Variants in FUT9 observed in about 807,000 individuals in gnomAD.
FUT9 encodes 4-galactosyl-N-acetylglucosaminide 3-alpha-L-fucosyltransferase 9.
Under a neutral mutation model 29.7 loss-of-function variants are expected in FUT9, and 15 were observed. The observed-to-expected ratio is 0.51, with a 90% confidence interval of 0.34 to 0.78. The LOEUF (loss-of-function observed/expected upper bound fraction) is 0.78, where lower values mean the gene tolerates loss of function less well. FUT9 is among the 30% of genes least tolerant of loss of function. FUT9 has a pLI of 0.01. For missense variants in FUT9, 319 were observed against 425.4 expected, an observed-to-expected ratio of 0.75 and a Z score of 2.20; for synonymous variants, 169 against 153.7, an observed-to-expected ratio of 1.10 and a Z score of -0.74.
In FUT9 at chr6:96,193,946, C is replaced by T. The variant is rs537622523; in HGVS notation, c.-8-9202C>T. ...GAAACCATCATTCTCAGCGAACTAT[C>T]GCAAGGGCGAAAAACCAAACACTGC... On this transcript the variant is annotated intron_variant, in intron 2 of 2. Coordinates refer to ENST00000302103, the MANE Select transcript of FUT9 (RefSeq NM_006581.4). 7.2e-5 allele frequency among the ~76,000 whole-genome samples: 11 copies of T among 152,212 alleles called. No individual in the cohort carries two copies. The South Asian group carries it at 8.3e-4, about 11-fold the overall frequency.
chr6:96,195,134 C>T (rs1031220530), intron 2 of FUT9, among the ~76,000 whole-genome samples: 2 of 152,024 alleles, frequency 1.3e-5, no homozygotes, highest in South Asian at 2.1e-4. Flanking sequence ...ACAGGAAAAG[C>T]GGTAGTTGGC....
At chr6:96,049,971 A>T (rs184906833) in intron 1 of FUT9, among the ~76,000 whole-genome samples, 2 of 152,144 alleles carry the variant, frequency 1.3e-5, no homozygotes, top group Non-Finnish European at 2.9e-5. Context: ...AAAATTAGAA[A>T]ACTGAAAAAT....
intron 1 of FUT9, among the ~76,000 whole-genome samples, chr6:96,067,239 A>G (rs4269378): frequency 0.56 from 83,703 of 150,672 alleles, 23,387 homozygotes; most frequent in South Asian, 0.64. Context: ...GTATACGCAC[A>G]TACTCATGTT....
chr6:96,022,723 T>C (rs1198486548), intron 1 of FUT9, among the ~76,000 whole-genome samples: 1 of 151,898 alleles, frequency 6.6e-6, no homozygotes, highest in Non-Finnish European at 1.5e-5. Flanking sequence ...CCTTTTTACC[T>C]TTGTTCGTCA....
At chr6:96,109,691 A>G (rs1197168068) in intron 1 of FUT9, among the ~76,000 whole-genome samples, 1 of 152,232 alleles carries the variant, frequency 6.6e-6, no homozygotes, top group Non-Finnish European at 1.5e-5. Context: ...AAGGACAGTA[A>G]TAGCCTTTGA....
chr6:96,096,902 T>C (rs979476947), intron 1 of FUT9, among the ~76,000 whole-genome samples: 2 of 152,160 alleles, frequency 1.3e-5, no homozygotes, highest in East Asian at 3.9e-4. Flanking sequence ...ATAAGCTCAA[T>C]GAGGGGAGGA....
chr6:96,037,017 G>C (rs749760236), intron 1 of FUT9: 2 of 151,996 alleles, frequency 1.3e-5, no homozygotes, highest in Non-Finnish European at 2.9e-5. Flanking sequence ...TAGAAAGCTA[G>C]AGGCCTTTTA....
intron 2 of FUT9, among the ~76,000 whole-genome samples, chr6:96,173,842 A>G (rs949406592): frequency 6.6e-6 from 1 of 152,192 alleles, no homozygotes; most frequent in East Asian, 1.9e-4. Flanking sequence ...TTGCTAAAAG[A>G]GTTTTGAATT....
chr6:96,213,076 C>T lies in FUT9; in HGVS notation c.*8841C>T, dbSNP rs1429615877. 6.0e-6 allele frequency: 1 copy of T among 166,854 alleles called. No individual in the cohort carries two copies. The highest frequency in any genetic ancestry group is 1.5e-5 in the Non-Finnish European group (1 of 67,992). The allele number at this position is 166,854 out of a possible 1,614,324, so 10.3% of individuals were successfully genotyped here. A position where few individuals can be genotyped will look rare whatever the true frequency, so the allele number is the denominator to read the frequency against. On this transcript the variant is annotated 3_prime_UTR_variant, in exon 3 of 3. Coordinates refer to ENST00000302103, the MANE Select transcript of FUT9 (RefSeq NM_006581.4). Reference sequence around the variant, plus strand: ...TAGCCTGGCACAGTGCACAAACTGCCATATATTCGTGCAGATGTTTTCTTC... The same window carrying T: ...TAGCCTGGCACAGTGCACAAACTGCTATATATTCGTGCAGATGTTTTCTTC...
chr6:96,129,353 G>A (rs1182096670), intron 2 of FUT9, among the ~76,000 whole-genome samples: 1 of 151,450 alleles, frequency 6.6e-6, no homozygotes, highest in Admixed American at 6.6e-5. Flanking sequence ...GCAGAGGTGG[G>A]AGAAGGTCAC....
intron 2 of FUT9, among the ~76,000 whole-genome samples, chr6:96,146,687 C>T (rs928492940): frequency 6.6e-6 from 1 of 152,104 alleles, no homozygotes; most frequent in African/African-American, 2.4e-5. Flanking sequence ...GTTTATGTAC[C>T]TTCTCATTCT....
At chr6:96,166,032 A>G (rs576960730) in intron 2 of FUT9, among the ~76,000 whole-genome samples, 1 of 152,338 alleles carries the variant, frequency 6.6e-6, no homozygotes, top group South Asian at 2.1e-4. Flanking sequence ...CCAAGGACAT[A>G]TGGTGATTCA....
At chr6:96,190,620 T>A (rs961135830) in intron 2 of FUT9, among the ~76,000 whole-genome samples, 14 of 152,148 alleles carry the variant, frequency 9.2e-5, no homozygotes, top group Non-Finnish European at 1.3e-4. Flanking sequence ...TTATTCTTTT[T>A]TCTCTAAACT....
At chr6:96,151,092 T>G (rs551618692) in intron 2 of FUT9, among the ~76,000 whole-genome samples, 1 of 152,332 alleles carries the variant, frequency 6.6e-6, no homozygotes, top group South Asian at 2.1e-4. Flanking sequence ...ATTTTCAAAC[T>G]TAGCAGAGTG....
chr6:96,159,629 G>A (rs1582275161), intron 2 of FUT9, among the ~76,000 whole-genome samples: 3 of 152,070 alleles, frequency 2.0e-5, no homozygotes, highest in Admixed American at 1.3e-4. Context: ...TGCCTATGGT[G>A]TTTCAAAGCC....
intron 2 of FUT9, among the ~76,000 whole-genome samples, chr6:96,136,099 T>C (rs768252818): frequency 6.6e-6 from 1 of 151,756 alleles, no homozygotes; most frequent in Non-Finnish European, 1.5e-5. Context: ...TTTCCAATCC[T>C]TAATGATTGC....
At position 96,069,631 on chromosome 6, in the gene FUT9, TTTA is replaced by T. The variant is rs1181283261; in HGVS notation, c.-97-44405_-97-44403del. ...CTATTATTTTTTTATTTTTTTATTT[TTTA>T]TTTTATTTTTTTGAGATGGAGTCTC... On this transcript the variant is annotated intron_variant, in intron 1 of 2. Transcript: ENST00000302103. 7.9e-4 allele frequency among the ~76,000 whole-genome samples: 25 copies of T among 31,460 alleles called. No homozygotes were observed. In the East Asian group the frequency reaches 0.025, roughly 32 times the overall value. 20.6% of individuals were successfully genotyped at this position (31,460 alleles called of 152,430 possible). A position where few individuals can be genotyped will look rare whatever the true frequency, so the allele number is the denominator to read the frequency against.
intron 1 of FUT9, among the ~76,000 whole-genome samples, chr6:96,091,177 A>G (rs1274881113): frequency 6.6e-6 from 1 of 152,046 alleles, no homozygotes; most frequent in East Asian, 1.9e-4. Flanking sequence ...AGAGCCTGAC[A>G]TTATTTGACT....
intron 2 of FUT9, among the ~76,000 whole-genome samples, chr6:96,191,776 A>G (rs1773514850): frequency 6.7e-6 from 1 of 149,988 alleles, no homozygotes; most frequent in African/African-American, 2.4e-5. Context: ...ACACAACAGA[A>G]AAAGAACATC....
Sources: gnomAD v4.1 joint callset for allele counts (sites outside exome capture counted in the v4.1 genomes callset) on GRCh38, gnomAD v4.1.1 for gene constraint, MANE v1.5 for transcripts, NCBI Gene and HGNC (gene_info 2026-07-23, HGNC 2026-07-21) for gene names.